Variants in PCDHGB7 observed in about 807,000 individuals in gnomAD.
PCDHGB7 encodes the protein protocadherin gamma subfamily B, 7.
Under a neutral mutation model 61.4 loss-of-function variants are expected in PCDHGB7, and 37 were observed. The ratio of observed to expected loss-of-function variants is 0.60; its 90% CI spans 0.46 to 0.79. PCDHGB7 has a LOEUF of 0.79. PCDHGB7 is among the 30% of genes least tolerant of loss of function. The pLI is 0.00. For missense variants in PCDHGB7, 1,166 were observed against 1,202.5 expected (o/e 0.97, Z 0.45); for synonymous variants, 464 against 503.5 (o/e 0.92, Z 1.05).
intron 1 of PCDHGB7, among the ~76,000 whole-genome samples, chr5:141,465,905 G>A (rs938438286): frequency 6.6e-6 from 1 of 151,958 alleles, no homozygotes; most frequent in Admixed American, 6.6e-5. Flanking sequence ...GGCAAATCAC[G>A]AGGTCAGGAT....
intron 2 of PCDHGB7, among the ~76,000 whole-genome samples, chr5:141,505,122 A>G (rs2099843899): frequency 6.6e-6 from 1 of 152,194 alleles, no homozygotes; most frequent in Non-Finnish European, 1.5e-5. Context: ...AGATCGCGCC[A>G]CTGCACTCCA....
intron 1 of PCDHGB7, among the ~76,000 whole-genome samples, chr5:141,450,082 C>T (rs2098668421): frequency 6.8e-6 from 1 of 147,384 alleles, no homozygotes. Context: ...TCTTGGCTCA[C>T]TGCAACCTCC....
At position 141,510,979 on chromosome 5, in the gene PCDHGB7, G is replaced by T; in HGVS notation, c.2596G>T (p.Gly866Cys). 3.7e-6 allele frequency: 6 copies of T among 1,614,156 alleles called. No individual in the cohort carries two copies. Among genetic ancestry groups the T allele is most frequent in the Non-Finnish European group, 4.2e-6 (5 of 1,180,018 alleles). Residue 866 changes from glycine to cysteine, a missense_variant, in exon 4 of 4, where the codon GGT becomes TGT. Gly to Cys is a radical substitution (Grantham distance 159). Coordinates refer to ENST00000398594, the MANE Select transcript of PCDHGB7 (RefSeq NM_018927.4). ...TGATGGGAGCTCCACCCTGGGAGGGGGTGCCGGCACCATGGGATTGAGCGC... is the reference window on the plus strand; with the variant it reads ...TGATGGGAGCTCCACCCTGGGAGGGTGTGCCGGCACCATGGGATTGAGCGC... Reference protein sequence around the residue: ...AADGSSTLGGGAGTMGLSARY... With the variant: ...AADGSSTLGGCAGTMGLSARY...
chr5:141,454,974 A>AT (rs2098808620), intron 1 of PCDHGB7, among the ~76,000 whole-genome samples: 1 of 151,182 alleles, frequency 6.6e-6, no homozygotes, highest in African/African-American at 2.4e-5. Context: ...CGCCTGGCTA[A>AT]TTTTTTAAAA....
intron 1 of PCDHGB7, chr5:141,441,249 TA>T (rs981387539): frequency 6.6e-6 from 1 of 152,206 alleles, no homozygotes; most frequent in Non-Finnish European, 1.5e-5. Context: ...ACAAGATCTT[TA>T]AATCACAAGA....
At chr5:141,438,362 T>C (rs1471364176) in intron 1 of PCDHGB7, among the ~76,000 whole-genome samples, 1 of 151,850 alleles carries the variant, frequency 6.6e-6, no homozygotes, top group East Asian at 1.9e-4. Flanking sequence ...TGTATTGTCA[T>C]TGAGGGCAGA....
chr5:141,427,355 C>A (rs765449381), intron 1 of PCDHGB7: 9 of 457,430 alleles, frequency 2.0e-5, no homozygotes, highest in Non-Finnish European at 3.5e-5. Context: ...TAACTGAGGA[C>A]GCAGAACCCT....
At position 141,477,763 on chromosome 5, in the gene PCDHGB7, C is replaced by A. The variant is rs763322593; in HGVS notation, c.2416-17044C>A. On this transcript the variant is annotated intron_variant, in intron 1 of 3. Coordinates refer to ENST00000398594, the MANE Select transcript of PCDHGB7 (RefSeq NM_018927.4). The surrounding 1 kb of genome is among the most constrained non-coding windows in gnomAD (Gnocchi z 4.9). ...ATGGGGGCACCCCGGTCCTAGCCAC[C>A]AACATCAGCGTGAACATATTTGTCA... 5.0e-6 allele frequency: 8 copies of A among 1,613,894 alleles called. No homozygotes were observed. The East Asian group carries it at 1.6e-4, about 31-fold the overall frequency.
In PCDHGB7 at chr5:141,432,487, G is replaced by A; in HGVS notation, c.2415+12213G>A. On this transcript the variant is annotated intron_variant, in intron 1 of 3. Coordinates refer to ENST00000398594, the MANE Select transcript of PCDHGB7 (RefSeq NM_018927.4). This position sits in a 1 kb window ranked among gnomAD's most constrained non-coding sequence, Gnocchi z 6.0. ...CCACGGACGGTTCCACTGGCGTGGA[G>A]CTGGCTCCCCGCTCCGCAGAGCCCG... 1.2e-6 allele frequency: 2 copies of A among 1,614,208 alleles called. No homozygotes were observed. The highest frequency in any genetic ancestry group is 2.2e-5 in the East Asian group (1 of 44,874).
intron 1 of PCDHGB7, among the ~76,000 whole-genome samples, chr5:141,433,818 CA>C (rs2097653666): frequency 7.5e-6 from 1 of 133,558 alleles, no homozygotes; most frequent in African/African-American, 2.9e-5. Flanking sequence ...GCCTGGGCAA[CA>C]AGAGTGAAAC....
At chr5:141,456,175 A>G (rs2154565434) in intron 1 of PCDHGB7, among the ~76,000 whole-genome samples, 1 of 151,840 alleles carries the variant, frequency 6.6e-6, no homozygotes, top group East Asian at 1.9e-4. Context: ...GGGATTACAG[A>G]ATAATTTCTT....
rs775081505 is a variant in PCDHGB7 at position 141,486,730 on chromosome 5, T to C, written c.2416-8077T>C. ...ACCCCCAGACAGGAGCTGTTCATGC[T>C]ACTCGATCCTTTGACTATGAGCAAA... On this transcript the variant is annotated intron_variant, in intron 1 of 3. Coordinates refer to ENST00000398594, the MANE Select transcript of PCDHGB7 (RefSeq NM_018927.4). This position sits in a 1 kb window ranked among gnomAD's most constrained non-coding sequence, Gnocchi z 5.0. 1 of 1,614,120 alleles carries C rather than the reference T, an allele frequency of 6.2e-7. No homozygotes were observed. Among genetic ancestry groups the C allele is most frequent in the Non-Finnish European group, 8.5e-7 (1 of 1,180,050 alleles).
chr5:141,474,654 T>C (rs2099352669), intron 1 of PCDHGB7, among the ~76,000 whole-genome samples: 1 of 152,250 alleles, frequency 6.6e-6, no homozygotes, highest in African/African-American at 2.4e-5. Context: ...CTTACTTCTT[T>C]TCTACCTACC....
At chr5:141,435,877 G>A (rs1554127514) in intron 1 of PCDHGB7, among the ~76,000 whole-genome samples, 1 of 152,092 alleles carries the variant, frequency 6.6e-6, no homozygotes, top group Non-Finnish European at 1.5e-5. Flanking sequence ...AAAAGAGATT[G>A]GAAACCCCTT....
At chr5:141,422,786 C>T in intron 1 of PCDHGB7, 1 of 1,614,178 alleles carries the variant, frequency 6.2e-7, no homozygotes, top group Non-Finnish European at 8.5e-7. Context: ...GCCCTACAAT[C>T]CTTCGACTAT....
chr5:141,447,427 C>T (rs752438597), intron 1 of PCDHGB7, among the ~76,000 whole-genome samples: 2 of 152,174 alleles, frequency 1.3e-5, no homozygotes, highest in Non-Finnish European at 2.9e-5. Context: ...CGTGAGCCAC[C>T]GCACCCGGAG....
Position 141,418,052 on chromosome 5 carries a change from G to A in PCDHGB7, c.193G>A (p.Glu65Lys), listed in dbSNP as rs202112422. 1.2e-3 allele frequency: 1,918 copies of A among 1,613,866 alleles called. 6 individuals are homozygous for A. Among genetic ancestry groups the A allele is most frequent in the East Asian group, 2.1e-3 (96 of 44,758 alleles). Residue 65 changes from glutamate to lysine, a missense_variant, in exon 1 of 4, where the codon GAG becomes AAG. By Grantham distance (56) the Glu-to-Lys change is moderately conservative. Coordinates refer to ENST00000398594, the MANE Select transcript of PCDHGB7 (RefSeq NM_018927.4). ...TAGTGTCCTGGATGTGTCGGCTCGC[G>A]AGCTGCGAGTGAGCGCGGAGAAGCT... Reference protein sequence around the residue: ...GLSVLDVSARELRVSAEKLHF... With the variant: ...GLSVLDVSARKLRVSAEKLHF...
chr5:141,418,620 A>T lies in PCDHGB7; in HGVS notation c.761A>T (p.Asp254Val), dbSNP rs762197476. 180 of 1,613,904 alleles carry T rather than the reference A, an allele frequency of 1.1e-4. No homozygotes were observed. The highest frequency in any genetic ancestry group is 1.5e-4 in the Non-Finnish European group (172 of 1,179,900). Residue 254 changes from aspartate (D) to valine (V), a missense_variant, in exon 1 of 4, where the codon GAC becomes GTC. Coordinates refer to ENST00000398594, the MANE Select transcript of PCDHGB7 (RefSeq NM_018927.4). ...QDVYRVSLRE[D>V]VPPGTSILRV... The stretch of plus-strand genomic sequence containing the variant: ...GTGTACAGGGTTAGCCTTCGGGAAG[A>T]CGTGCCTCCAGGCACCTCCATCCTG...
intron 1 of PCDHGB7, chr5:141,423,114 A>G: frequency 1.9e-6 from 3 of 1,613,848 alleles, no homozygotes; most frequent in Non-Finnish European, 1.7e-6. Context: ...AGGTGCGTAC[A>G]GCGCGGGCAC....
Sources: allele counts gnomAD v4.1 joint callset (sites outside exome capture counted in the v4.1 genomes callset), GRCh38; gene constraint gnomAD v4.1.1; non-coding constraint Gnocchi (gnomAD v3.1); transcripts MANE v1.5; gene names NCBI Gene and HGNC (gene_info 2026-07-23, HGNC 2026-07-21).